The following TMTC2 variants were observed in gnomAD, a reference collection of about 807,000 sequenced individuals.
TMTC2 encodes transmembrane O-mannosyltransferase targeting cadherins 2, also known as protein O-mannosyl-transferase TMTC2.
Under a neutral mutation model 82.4 loss-of-function variants are expected in TMTC2, and 43 were observed. The ratio of observed to expected loss-of-function variants is 0.52; its 90% confidence interval spans 0.41 to 0.67. The LOEUF (loss-of-function observed/expected upper bound fraction) is 0.67. TMTC2 is among the 30% of genes least tolerant of loss of function. The pLI is 0.00. For missense variants in TMTC2, 919 were observed against 1,012.4 expected (o/e 0.91, Z 1.25); for synonymous variants, 408 against 381.9 (o/e 1.07, Z -0.80).
At chr12:82,832,412 TTATAG>T (rs1305386525) in intron 1 of TMTC2, among the ~76,000 whole-genome samples, 9 of 152,030 alleles carry the variant, frequency 5.9e-5, no homozygotes, top group Middle Eastern at 3.2e-3. Context: ...AAAAGGAAAC[TTATAG>T]TATACATTTT....
At chr12:82,907,595 G>A (rs1355179688) in intron 3 of TMTC2, among the ~76,000 whole-genome samples, 1 of 152,106 alleles carries the variant, frequency 6.6e-6, no homozygotes, top group Non-Finnish European at 1.5e-5. Flanking sequence ...CAGTGCAAGT[G>A]GTCCTGTGAT....
intron 7 of TMTC2, among the ~76,000 whole-genome samples, chr12:82,976,730 G>A (rs751259123): frequency 3.4e-4 from 52 of 151,974 alleles, no homozygotes; most frequent in Non-Finnish European, 2.9e-4. Flanking sequence ...GTTACACCAG[G>A]TTTGTAGCAT....
At chr12:83,086,039 T>G (rs899982056) in intron 11 of TMTC2, among the ~76,000 whole-genome samples, 2 of 152,106 alleles carry the variant, frequency 1.3e-5, no homozygotes, top group African/African-American at 4.8e-5. Context: ...GAGACCTAAG[T>G]CTTATCAGAC....
chr12:82,823,212 G>A (rs184945169), intron 1 of TMTC2, among the ~76,000 whole-genome samples: 1 of 152,082 alleles, frequency 6.6e-6, no homozygotes, highest in East Asian at 1.9e-4. Context: ...TTTCTAAAAC[G>A]TATTCCATAT....
At position 82,834,118 on chromosome 12, in the gene TMTC2, T is replaced by G. The variant is rs74106144; in HGVS notation, c.84-22892T>G. 2.2e-3 allele frequency among the ~76,000 whole-genome samples: 338 copies of G among 152,326 alleles called. 1 individual carries two copies. The highest frequency in any genetic ancestry group is 7.5e-3 in the African/African-American group (312 of 41,578). On this transcript the variant is annotated intron_variant, in intron 1 of 11. Coordinates refer to ENST00000321196, the MANE Select transcript of TMTC2 (RefSeq NM_152588.3). ...TAGCATGTCAGATTGCCCATGGATA[T>G]TATTGCTAAGAACAAGGCAAAACAT...
At chr12:82,883,366 G>T (rs2137159041) in intron 2 of TMTC2, among the ~76,000 whole-genome samples, 1 of 152,218 alleles carries the variant, frequency 6.6e-6, no homozygotes, top group African/African-American at 2.4e-5. Flanking sequence ...TATAAGGCAT[G>T]TATGTTTATT....
chr12:82,997,796 C>T (rs1879733203), intron 8 of TMTC2, among the ~76,000 whole-genome samples: 1 of 151,570 alleles, frequency 6.6e-6, no homozygotes, highest in Admixed American at 6.6e-5. Flanking sequence ...AATCCAGTAG[C>T]CAAATTAGTG....
intron 1 of TMTC2, among the ~76,000 whole-genome samples, chr12:82,852,365 C>T (rs1310421375): frequency 6.6e-6 from 1 of 152,090 alleles, no homozygotes; most frequent in Non-Finnish European, 1.5e-5. Flanking sequence ...CCTCGGCCTC[C>T]CAAAGTGCTG....
intron 1 of TMTC2, among the ~76,000 whole-genome samples, chr12:82,816,073 A>G (rs1868694565): frequency 6.6e-6 from 1 of 152,012 alleles, no homozygotes; most frequent in Admixed American, 6.6e-5. Flanking sequence ...ATATAAAGGC[A>G]TGAATGAGCA....
chr12:82,816,860 C>G (rs1447727050), intron 1 of TMTC2, among the ~76,000 whole-genome samples: 1 of 151,988 alleles, frequency 6.6e-6, no homozygotes, highest in Non-Finnish European at 1.5e-5. Flanking sequence ...TCTGCTTATT[C>G]CAGTCTGCAC....
chr12:82,977,351 T>C (rs1436936690), intron 7 of TMTC2, among the ~76,000 whole-genome samples: 3 of 151,718 alleles, frequency 2.0e-5, no homozygotes, highest in Non-Finnish European at 4.4e-5. Flanking sequence ...TACTCAAATA[T>C]TAGATGAAGT....
intron 1 of TMTC2, among the ~76,000 whole-genome samples, chr12:82,694,705 A>C (rs1364495896): frequency 6.6e-6 from 1 of 152,084 alleles, no homozygotes; most frequent in Non-Finnish European, 1.5e-5. Context: ...TGTTTCTGTG[A>C]GGTCTTTGTC....
chr12:82,816,073 A>T (rs1868694565), intron 1 of TMTC2, among the ~76,000 whole-genome samples: 1 of 152,012 alleles, frequency 6.6e-6, no homozygotes, highest in Admixed American at 6.6e-5. Flanking sequence ...ATATAAAGGC[A>T]TGAATGAGCA....
At chr12:82,970,284 A>G (rs1272369865) in intron 7 of TMTC2, among the ~76,000 whole-genome samples, 1 of 152,280 alleles carries the variant, frequency 6.6e-6, no homozygotes, top group African/African-American at 2.4e-5. Context: ...TACTTAACCT[A>G]GTAAGTGTTT....
chr12:82,761,872 C>CTT (rs1555183165), intron 1 of TMTC2, among the ~76,000 whole-genome samples: 1 of 10,698 alleles, frequency 9.3e-5, no homozygotes, highest in East Asian at 9.4e-3. Flanking sequence ...TTCTCTTTCT[C>CTT]TCTTTCTTTC....
chr12:83,050,894 T>C lies in TMTC2; in HGVS notation c.2153-10T>C, dbSNP rs1168319731. The C allele has an allele frequency of 6.2e-7, 1 of 1,600,550 alleles. No individual in the cohort carries two copies. Among genetic ancestry groups the C allele is most frequent in the Admixed American group, 1.7e-5 (1 of 58,014 alleles). Reference sequence around the variant, plus strand: ...CTGAGTTGAAGCTCACTGGTTTTTATACTTTTCAGGTCAGTTTCTTCTGGA... The same window carrying C: ...CTGAGTTGAAGCTCACTGGTTTTTACACTTTTCAGGTCAGTTTCTTCTGGA... On this transcript the variant is annotated splice_polypyrimidine_tract_variant and intron_variant, in intron 9 of 11. Transcript: ENST00000321196.
At chr12:83,038,851 T>C (rs1025126476) in intron 9 of TMTC2, among the ~76,000 whole-genome samples, 9 of 152,004 alleles carry the variant, frequency 5.9e-5, no homozygotes, top group African/African-American at 2.2e-4. Flanking sequence ...TTTTCTATTT[T>C]AAATTTTCTA....
At chr12:82,954,053 T>C (rs1188307581) in intron 4 of TMTC2, among the ~76,000 whole-genome samples, 5 of 152,188 alleles carry the variant, frequency 3.3e-5, no homozygotes, top group Admixed American at 3.3e-4. Flanking sequence ...GACTATTTAT[T>C]ACTGAAACTC....
chr12:82,842,842 A>G (rs939290800), intron 1 of TMTC2, among the ~76,000 whole-genome samples: 2 of 151,958 alleles, frequency 1.3e-5, no homozygotes, highest in Non-Finnish European at 2.9e-5. Flanking sequence ...TTTTTCTTGG[A>G]CACCAGTCAT....
Sources: gnomAD v4.1 joint callset for allele counts (sites outside exome capture counted in the v4.1 genomes callset) on GRCh38, gnomAD v4.1.1 for gene constraint, MANE v1.5 for transcripts, NCBI Gene and HGNC (gene_info 2026-07-23, HGNC 2026-07-21) for gene names.